Variants in SPNS2 observed in about 807,000 individuals in gnomAD.
SPNS2 encodes the protein SPNS lysolipid transporter 2, sphingosine-1-phosphate.
In SPNS2, 37 loss-of-function variants were observed where a neutral mutation model predicts 57.6. That is an observed-to-expected ratio of 0.64 (90% CI 0.49 to 0.85). The LOEUF is 0.85. Ranked by LOEUF, SPNS2 falls within the 40% of genes least tolerant of loss-of-function variation. SPNS2 has a pLI of 0.00. For missense variants in SPNS2, 831 were observed against 779.1 expected, an observed-to-expected ratio of 1.07 and a Z score of -0.79; for synonymous variants, 440 against 346.9, an observed-to-expected ratio of 1.27 and a Z score of -2.98.
chr17:4,532,256 GCTCCA>G (rs1344442710), intron 5 of SPNS2, among the ~76,000 whole-genome samples: 1 of 151,878 alleles, frequency 6.6e-6, no homozygotes, highest in African/African-American at 2.4e-5. Context: ...TCCACCCACT[GCTCCA>G]CTCACCCACC....
At position 4,537,459 on chromosome 17, in the gene SPNS2, T is replaced by C. The variant is rs747716082; in HGVS notation, c.*11T>C. 5.1e-5 allele frequency: 23 copies of C among 452,460 alleles called. 1 individual carries two copies. The Middle Eastern group carries it at 9.7e-4, about 19-fold the overall frequency. The allele number at this position is 452,460 out of a possible 1,614,324, so 28.0% of individuals were successfully genotyped here. A position where few individuals can be genotyped will look rare whatever the true frequency, so the allele number is the denominator to read the frequency against. On this transcript the variant is annotated 3_prime_UTR_variant, in exon 13 of 13. Transcript: ENST00000329078. ...CTGACACCCCTTTCCCCAGGTGCCATTGGGACAATGAAGAACCCACACTCC... is the reference window on the plus strand; with the variant it reads ...CTGACACCCCTTTCCCCAGGTGCCACTGGGACAATGAAGAACCCACACTCC...
At chr17:4,504,110 T>C (rs1904608889) in intron 1 of SPNS2, among the ~76,000 whole-genome samples, 1 of 152,122 alleles carries the variant, frequency 6.6e-6, no homozygotes, top group African/African-American at 2.4e-5. Context: ...CTTGTGGCTC[T>C]GTGGCTCTCT....
chr17:4,525,322 C>A, intron 3 of SPNS2, 129 bp downstream of exon 3: 1 of 1,327,556 alleles, frequency 7.5e-7, no homozygotes, highest in Non-Finnish European at 1.0e-6. Context: ...CACTGTCTTC[C>A]CAGTGCAGAA....
chr17:4,522,324 C>A (rs1193521327), intron 2 of SPNS2, among the ~76,000 whole-genome samples: 1 of 152,226 alleles, frequency 6.6e-6, no homozygotes, highest in African/African-American at 2.4e-5. Flanking sequence ...TGACTGAGGT[C>A]ACCGGCTGGG....
Position 4,531,041 on chromosome 17 carries a change from T to G in SPNS2, c.726-12T>G. 6.2e-7 allele frequency: 1 copy of G among 1,613,884 alleles called. No individual in the cohort carries two copies. Among genetic ancestry groups the G allele is most frequent in the Non-Finnish European group, 8.5e-7 (1 of 1,179,954 alleles). On this transcript the variant is annotated splice_polypyrimidine_tract_variant and intron_variant, in intron 4 of 12. Transcript: ENST00000329078. ...GTCTCTGCTCAGCCTGACGTGTGTCTCTTCTCTGCAGTGGCCTGGGCTACA... is the reference window on the plus strand; with the variant it reads ...GTCTCTGCTCAGCCTGACGTGTGTCGCTTCTCTGCAGTGGCCTGGGCTACA...
rs201455640 is a variant in SPNS2, at chr17:4,533,107, C to A, written c.1066C>A (p.Pro356Thr). Residue 356 changes from proline to threonine, a missense_variant, in exon 7 of 13, where the codon CCG becomes ACG. Physicochemically the swap from Pro to Thr is conservative, Grantham distance 38 (BLOSUM62 -1). Transcript: ENST00000329078. ...VQKTAETCNS[P>T]PCGAKDSLIF... ...GAAGACAGCAGAGACGTGCAACAGC[C>A]CGCCCTGTGGGGCCAAGGACAGGTG... The A allele has an allele frequency of 1.9e-6, 3 of 1,611,826 alleles. No homozygotes were observed. Among genetic ancestry groups the A allele is most frequent in the East Asian group, 4.5e-5 (2 of 44,856 alleles).
At chr17:4,517,327 C>T (rs1465051673) in intron 2 of SPNS2, among the ~76,000 whole-genome samples, 2 of 152,162 alleles carry the variant, frequency 1.3e-5, no homozygotes, top group African/African-American at 2.4e-5. Flanking sequence ...GCATGGGACA[C>T]GGGACAATTT....
intron 1 of SPNS2, among the ~76,000 whole-genome samples, chr17:4,501,161 C>T (rs1255618442): frequency 2.6e-5 from 4 of 152,204 alleles, no homozygotes; most frequent in African/African-American, 7.2e-5. Context: ...TTAGCTCTAA[C>T]AGTAAGGCTC....
chr17:4,513,216 G>T (rs867698918), intron 1 of SPNS2, 31 bp from the exon 2 acceptor site: 2 of 1,611,844 alleles, frequency 1.2e-6, no homozygotes, highest in South Asian at 2.2e-5. Flanking sequence ...CATCAGACTC[G>T]GCCAGTGAGC....
At chr17:4,501,202 C>T (rs933333143) in intron 1 of SPNS2, among the ~76,000 whole-genome samples, 2 of 152,192 alleles carry the variant, frequency 1.3e-5, no homozygotes, top group Non-Finnish European at 2.9e-5. Context: ...CACCCTTTCT[C>T]AGCTGAAGAA....
chr17:4,535,182 CCTGT>C (rs1214019240), intron 9 of SPNS2, among the ~76,000 whole-genome samples: 2 of 152,118 alleles, frequency 1.3e-5, no homozygotes, highest in East Asian at 1.9e-4. Context: ...CCCAGCCCCT[CCTGT>C]CTGACTCTGG....
chr17:4,533,199 C>T (rs752197156), intron 7 of SPNS2, 44 bp from the exon 8 acceptor site: 1 of 1,581,072 alleles, frequency 6.3e-7, no homozygotes, highest in Non-Finnish European at 8.6e-7. Flanking sequence ...AGCCTTAGCC[C>T]TGAGCCGCCT....
In SPNS2 at chr17:4,513,320, C is replaced by A. The variant is rs774543420; in HGVS notation, c.436+8C>A. The A allele has an allele frequency of 1.2e-6, 2 of 1,613,318 alleles. No homozygotes were observed. The highest frequency in any genetic ancestry group is 1.7e-6 in the Non-Finnish European group (2 of 1,179,554). On this transcript the variant is annotated splice_region_variant and intron_variant, in intron 2 of 12. Transcript: ENST00000329078. ...CCGGCCTGCTGCAGTCAGGTGAGGC[C>A]CACCTCCCACCTTCCCCCCCACGCC...
chr17:4,533,122 A>C lies in SPNS2; in HGVS notation c.1081A>C (p.Lys361Gln). 6.2e-7 allele frequency: 1 copy of C among 1,609,908 alleles called. No homozygotes were observed. Among genetic ancestry groups the C allele is most frequent in the Non-Finnish European group, 8.5e-7 (1 of 1,178,076 alleles). ...GTGCAACAGCCCGCCCTGTGGGGCC[A>C]AGGACAGGTGGGGCCCCGCGGGGTG... Reference protein sequence around the residue: ...ETCNSPPCGAKDSLIFGAITC... With the variant: ...ETCNSPPCGAQDSLIFGAITC... Residue 361 changes from lysine (K) to glutamine (Q), a missense_variant, in exon 7 of 13, where the codon AAG becomes CAG. Lys to Gln is a moderately conservative substitution (Grantham distance 53). This residue lies in a region of SPNS2 where 526 missense variants were observed against 400.9 expected (regional missense o/e 1.31). Transcript: ENST00000329078.
Position 4,538,108 on chromosome 17 carries a change from T to C in SPNS2, c.*660T>C. ...TGGCTCCCAGCCTGGAGGTCCCAGATGGGGACTGTTCTGACAAGCTGGCAT... is the reference window on the plus strand; with the variant it reads ...TGGCTCCCAGCCTGGAGGTCCCAGACGGGGACTGTTCTGACAAGCTGGCAT... On this transcript the variant is annotated 3_prime_UTR_variant, in exon 13 of 13. Coordinates refer to ENST00000329078, the MANE Select transcript of SPNS2 (RefSeq NM_001124758.3). 3.0e-6 allele frequency: 1 copy of C among 331,768 alleles called. No individual in the cohort carries two copies. The highest frequency in any genetic ancestry group is 6.0e-6 in the Non-Finnish European group (1 of 167,234). The allele number at this position is 331,768 out of a possible 1,614,324, so 20.6% of individuals were successfully genotyped here.
At chr17:4,530,979 C>CT in intron 4 of SPNS2, 74 bp from the exon 5 acceptor site, 1 of 1,567,598 alleles carries the variant, frequency 6.4e-7, no homozygotes, top group South Asian at 1.1e-5. Context: ...GGCAGCCTGC[C>CT]TTGCAGACCA....
chr17:4,512,657 C>T lies in SPNS2; in HGVS notation c.371-590C>T, dbSNP rs1048870492. Among the ~76,000 whole-genome samples, 1 of 150,302 alleles carries T rather than the reference C, an allele frequency of 6.7e-6. No individual in the cohort carries two copies. The highest frequency in any genetic ancestry group is 6.6e-5 in the Admixed American group (1 of 15,158). Reference sequence around the variant, plus strand: ...GTGTGTGTGTGTGCGTGCGCGCGCACGGGTATGTGTGTGCGCGCGTGGGTG... The same window carrying T: ...GTGTGTGTGTGTGCGTGCGCGCGCATGGGTATGTGTGTGCGCGCGTGGGTG... On this transcript the variant is annotated intron_variant, in intron 1 of 12. Transcript: ENST00000329078. The surrounding 1 kb of genome is among the most constrained non-coding windows in gnomAD (Gnocchi z 5.2).
At chr17:4,532,777 C>T in intron 6 of SPNS2, 93 bp downstream of exon 6, 3 of 1,493,274 alleles carry the variant, frequency 2.0e-6, no homozygotes, top group African/African-American at 2.8e-5. Context: ...GCACCCTCAG[C>T]CAGACACCCC....
chr17:4,515,743 G>A (rs953031216), intron 2 of SPNS2, among the ~76,000 whole-genome samples: 3 of 152,220 alleles, frequency 2.0e-5, no homozygotes, highest in African/African-American at 4.8e-5. Context: ...AGGTGTTGGT[G>A]CTTGCCCAGA....
Sources: allele counts gnomAD v4.1 joint callset (sites outside exome capture counted in the v4.1 genomes callset), GRCh38; gene constraint gnomAD v4.1.1; regional missense constraint gnomAD v4.1.1; non-coding constraint Gnocchi (gnomAD v3.1); transcripts MANE v1.5; gene names NCBI Gene and HGNC (gene_info 2026-07-23, HGNC 2026-07-21).